The following IL1RAPL2 variants were observed in gnomAD, a reference collection of about 807,000 sequenced individuals.
The protein encoded by IL1RAPL2 is X-linked interleukin-1 receptor accessory protein-like 2.
A neutral mutation model predicts 44.1 loss-of-function variants in IL1RAPL2; 3 were observed. The ratio of observed to expected loss-of-function variants is 0.07; its 90% CI spans 0.03 to 0.18. The LOEUF is 0.18. Ranked by LOEUF, IL1RAPL2 falls within the 10% of genes least tolerant of loss-of-function variation. IL1RAPL2 has a pLI of 1.00. For synonymous variants in IL1RAPL2, 181 were observed against 178.8 expected, an observed-to-expected ratio of 1.01 and a Z score of -0.10; for missense variants, 391 against 496.4, an observed-to-expected ratio of 0.79 and a Z score of 2.02.
intron 2 of IL1RAPL2, among the ~76,000 whole-genome samples, chrX:104,947,428 C>A (rs1475197604): frequency 8.2e-5 from 8 of 97,731 alleles, no homozygotes; most frequent in African/African-American, 3.0e-4. Flanking sequence ...TAATTAGATC[C>A]CATTTGTCAA....
chrX:105,041,909 C>A (rs1206587058), intron 2 of IL1RAPL2, among the ~76,000 whole-genome samples: 2 of 110,733 alleles, frequency 1.8e-5, no homozygotes, highest in Non-Finnish European at 3.8e-5. Flanking sequence ...AGAGAGCCCT[C>A]AGAAATAACG....
chrX:105,445,145 A>C (rs932037221), intron 5 of IL1RAPL2, among the ~76,000 whole-genome samples: 2 of 111,346 alleles, frequency 1.8e-5, no homozygotes, highest in African/African-American at 6.5e-5. Context: ...CGAGGAATTT[A>C]TCAGATTATT....
At chrX:105,149,455 G>GT (rs1418565155) in intron 2 of IL1RAPL2, among the ~76,000 whole-genome samples, 1 of 111,903 alleles carries the variant, frequency 8.9e-6, no homozygotes, top group Non-Finnish European at 1.9e-5. Context: ...TTCATCATCT[G>GT]TAAGTAGGGG....
At chrX:104,731,654 C>T (rs1408886004) in intron 2 of IL1RAPL2, among the ~76,000 whole-genome samples, 2 of 111,451 alleles carry the variant, frequency 1.8e-5, no homozygotes, top group African/African-American at 3.3e-5. Flanking sequence ...CCACCTGCCT[C>T]GGCCTCCCAA....
intron 2 of IL1RAPL2, among the ~76,000 whole-genome samples, chrX:104,770,084 T>G (rs1004760369): frequency 1.8e-5 from 2 of 110,736 alleles, no homozygotes; most frequent in Non-Finnish European, 3.8e-5. Context: ...CTATCTACCT[T>G]GAAGCAAAAA....
intron 5 of IL1RAPL2, among the ~76,000 whole-genome samples, chrX:105,419,170 C>A (rs990475170): frequency 7.1e-5 from 8 of 112,030 alleles, no homozygotes; most frequent in African/African-American, 1.9e-4. Context: ...AGTTGGCCAG[C>A]AGCCACATCT....
chrX:105,449,369 T>A (rs760881558), intron 5 of IL1RAPL2, among the ~76,000 whole-genome samples: 2 of 110,561 alleles, frequency 1.8e-5, no homozygotes, highest in South Asian at 7.6e-4. Context: ...CAGATCACGA[T>A]GTCAGGAGAT....
At chrX:105,603,429 A>G (rs767300015) in intron 6 of IL1RAPL2, among the ~76,000 whole-genome samples, 60 of 111,792 alleles carry the variant, frequency 5.4e-4, no homozygotes, top group Admixed American at 3.0e-3. Context: ...AACTGTTAAA[A>G]CAACCATACA....
chrX:104,607,098 A>G (rs911041126), intron 1 of IL1RAPL2, among the ~76,000 whole-genome samples: 1 of 111,811 alleles, frequency 8.9e-6, no homozygotes, highest in African/African-American at 3.3e-5. Flanking sequence ...ATCTACAACC[A>G]TCTGATCTTT....
At chrX:104,932,720 C>A (rs1924937781) in intron 2 of IL1RAPL2, among the ~76,000 whole-genome samples, 1 of 111,948 alleles carries the variant, frequency 8.9e-6, no homozygotes, top group South Asian at 3.7e-4. Flanking sequence ...GAGTTTAAGG[C>A]AAAGAGTTAA....
chrX:105,477,540 G>A (rs1382703232), intron 5 of IL1RAPL2, among the ~76,000 whole-genome samples: 1 of 111,890 alleles, frequency 8.9e-6, no homozygotes, highest in African/African-American at 3.2e-5. Flanking sequence ...CATTCATTCT[G>A]TGTTCAATTT....
intron 5 of IL1RAPL2, among the ~76,000 whole-genome samples, chrX:105,428,487 G>T (rs1249851125): frequency 9.0e-6 from 1 of 111,455 alleles, no homozygotes; most frequent in African/African-American, 3.3e-5. Context: ...ATCTCTAGGG[G>T]TCATCTGAGC....
rs763214683 is a variant in IL1RAPL2, at chrX:105,697,484, T to C, written c.773-19883T>C. Among the ~76,000 whole-genome samples, 4 of 110,966 alleles carry C rather than the reference T, an allele frequency of 3.6e-5. No individual in the cohort carries two copies. The East Asian group carries it at 8.6e-4, about 24-fold the overall frequency. ...TCAGAGTGGGTAGAAGCAAGCTATT[T>C]AGGGCTGCGATGTGTACGGAGAGAG... On this transcript the variant is annotated intron_variant, in intron 6 of 10. Coordinates refer to ENST00000372582, the MANE Select transcript of IL1RAPL2 (RefSeq NM_017416.2).
chrX:105,318,952 C>A, intron 5 of IL1RAPL2, among the ~76,000 whole-genome samples: 1 of 112,347 alleles, frequency 8.9e-6, no homozygotes, highest in Non-Finnish European at 1.9e-5. Context: ...TTTTCATGCC[C>A]ACTGGCAGCC....
At chrX:105,488,111 G>T (rs1311955544) in intron 6 of IL1RAPL2, among the ~76,000 whole-genome samples, 1 of 111,782 alleles carries the variant, frequency 8.9e-6, no homozygotes, top group Admixed American at 9.5e-5. Flanking sequence ...TAGATTAAAG[G>T]TGGCCATAGA....
At chrX:105,221,793 C>T (rs2033967364) in intron 3 of IL1RAPL2, among the ~76,000 whole-genome samples, 2 of 111,101 alleles carry the variant, frequency 1.8e-5, no homozygotes. Context: ...GAGATGATTC[C>T]CCTCCTAAAT....
At chrX:104,705,832 A>G (rs998374360) in intron 2 of IL1RAPL2, among the ~76,000 whole-genome samples, 6 of 111,512 alleles carry the variant, frequency 5.4e-5, no homozygotes, top group Non-Finnish European at 1.1e-4. Flanking sequence ...AATAAAGGCA[A>G]TGGGTGCTTG....
intron 2 of IL1RAPL2, among the ~76,000 whole-genome samples, chrX:104,812,031 T>A (rs1307225094): frequency 9.1e-6 from 1 of 110,448 alleles, no homozygotes; most frequent in African/African-American, 3.3e-5. Context: ...AAATGCAGAG[T>A]TTACTATGAT....
chrX:105,584,582 A>T (rs778738057), intron 6 of IL1RAPL2, among the ~76,000 whole-genome samples: 1 of 105,410 alleles, frequency 9.5e-6, no homozygotes, highest in Non-Finnish European at 1.9e-5. Context: ...TGCTTTGTAT[A>T]GTCAATTGTC....
Sources: gnomAD v4.1 joint callset for allele counts (sites outside exome capture counted in the v4.1 genomes callset) on GRCh38, gnomAD v4.1.1 for gene constraint, MANE v1.5 for transcripts, NCBI Gene and HGNC (gene_info 2026-07-23, HGNC 2026-07-21) for gene names.